MNT: variants seen among roughly 807,000 people sequenced by gnomAD.
The protein encoded by MNT is MAX network transcriptional repressor.
Under a neutral mutation model 40.7 loss-of-function variants are expected in MNT, and 13 were observed. That is an observed-to-expected ratio of 0.32 (90% CI 0.21 to 0.51). The LOEUF (loss-of-function observed/expected upper bound fraction) is 0.51, where lower values mean the gene tolerates loss of function less well. Among genes scored for constraint, MNT ranks in the 20% least tolerant of loss-of-function variants. The pLI, the probability that MNT is intolerant of heterozygous loss-of-function variation, is 0.98. For missense variants in MNT, 757 were observed against 792.0 expected (o/e 0.96, Z 0.53); for synonymous variants, 426 against 354.8 (o/e 1.20, Z -2.26).
At position 2,387,488 on chromosome 17, in the gene MNT, AGTGGGG is replaced by A. The variant is rs1567864452; in HGVS notation, c.1156_1161del (p.Pro386_His387del). 6.2e-7 allele frequency: 1 copy of A among 1,610,782 alleles called. No individual in the cohort carries two copies. Among genetic ancestry groups the A allele is most frequent in the East Asian group, 2.2e-5 (1 of 44,714 alleles). ...AGGTGGGCAGGAGGTAGGGCCACGG[AGTGGGG>A]GTGAGGGTGTGGGTGTGGAGGCAGA... On this transcript the variant is annotated inframe_deletion, in exon 6 of 6. Transcript: ENST00000174618.
chr17:2,400,130 G>A (rs1420935585), intron 1 of MNT, among the ~76,000 whole-genome samples: 2 of 152,220 alleles, frequency 1.3e-5, no homozygotes, highest in African/African-American at 4.8e-5. Context: ...CCGAAGAGCT[G>A]CTCCGCGTAG....
intron 3 of MNT, 37 bp downstream of exon 3, chr17:2,394,268 C>T: frequency 1.9e-6 from 3 of 1,575,948 alleles, no homozygotes; most frequent in Admixed American, 1.8e-5. Flanking sequence ...CGCGCGCGCA[C>T]GCACGCACGC....
chr17:2,400,741 G>A lies in MNT; in HGVS notation c.-29C>T, dbSNP rs756094953. ...GCCGAGAGCTGCCGGGGGCGCGCCG[G>A]GGCCGAGGCTGCGGCCCGCGAGCCG... is the stretch of plus-strand genomic sequence containing the variant. On this transcript the variant is annotated 5_prime_UTR_variant, in exon 1 of 6. Transcript: ENST00000174618. 1.7e-5 allele frequency: 25 copies of A among 1,513,884 alleles called. No homozygotes were observed. Among genetic ancestry groups the A allele is most frequent in the Non-Finnish European group, 2.2e-5 (25 of 1,137,452 alleles). 93.8% of individuals were successfully genotyped at this position (1,513,884 alleles called of 1,614,324 possible).
rs1377693509 is a variant in MNT at position 2,400,883 on chromosome 17, AAT to A, written c.-173_-172del. ...ACGGGGGAGCACGGGGAGAAAAATC[AAT>A]GTCTCTCAAAATATTTGCAAAATAT... On this transcript the variant is annotated 5_prime_UTR_variant, in exon 1 of 6. Transcript: ENST00000174618. 1 of 443,372 alleles carries A rather than the reference AAT, an allele frequency of 2.3e-6. No individual in the cohort carries two copies. The highest frequency in any genetic ancestry group is 4.0e-6 in the Non-Finnish European group (1 of 252,732). 27.5% of individuals were successfully genotyped at this position (443,372 alleles called of 1,614,324 possible). A position where few individuals can be genotyped will look rare whatever the true frequency, so the allele number is the denominator to read the frequency against.
chr17:2,393,256 G>A (rs765453153), intron 4 of MNT, among the ~76,000 whole-genome samples: 95 of 151,380 alleles, frequency 6.3e-4, no homozygotes, highest in Non-Finnish European at 9.5e-4. Context: ...AAGCCCCGCC[G>A]GTTTCCAGGG....
Position 2,387,486 on chromosome 17 carries a change from G to T in MNT, c.1164C>A (p.Ser388=), listed in dbSNP as rs775805595. The change falls in exon 6 of 6, where the codon TCC becomes TCA. Residue 388 remains serine (S), a synonymous_variant. Transcript: ENST00000174618. ...GGAGGTGGGCAGGAGGTAGGGCCACGGAGTGGGGGTGAGGGTGTGGGTGTG... is the reference window on the plus strand; with the variant it reads ...GGAGGTGGGCAGGAGGTAGGGCCACTGAGTGGGGGTGAGGGTGTGGGTGTG... ...LPPHPHPHPH[S]VALPPAHLPV... 3.1e-6 allele frequency: 5 copies of T among 1,612,298 alleles called. No homozygotes were observed. The highest frequency in any genetic ancestry group is 4.2e-6 in the Non-Finnish European group (5 of 1,179,368).
chr17:2,398,889 A>G (rs1193138062), intron 1 of MNT, among the ~76,000 whole-genome samples: 1 of 152,062 alleles, frequency 6.6e-6, no homozygotes, highest in Non-Finnish European at 1.5e-5. Context: ...CACTTCTGCA[A>G]AACCCAGGCA....
At chr17:2,393,182 C>G (rs2066538762) in intron 4 of MNT, among the ~76,000 whole-genome samples, 1 of 151,350 alleles carries the variant, frequency 6.6e-6, no homozygotes. Context: ...TCCCTCCATC[C>G]CCTACGGCTC....
chr17:2,394,403 T>C, intron 2 of MNT, 57 bp from the exon 3 acceptor site: 2 of 1,610,172 alleles, frequency 1.2e-6, no homozygotes, highest in East Asian at 2.2e-5. Flanking sequence ...ACGGCCTTCC[T>C]GACCAGCGCC....
chr17:2,396,070 C>T (rs576846532), intron 1 of MNT, among the ~76,000 whole-genome samples: 4 of 152,334 alleles, frequency 2.6e-5, no homozygotes, highest in Middle Eastern at 3.4e-3. Flanking sequence ...CCCTGGAGGA[C>T]GCTTGCCGTG....
Position 2,386,743 on chromosome 17 carries a change from T to C in MNT, c.*158A>G. ...TGCAGCAGGGTGGCCCTTCCCTCCC[T>C]TGGCTCAGAGTCTTTGCACCCCCTT... On this transcript the variant is annotated 3_prime_UTR_variant, in exon 6 of 6. Transcript: ENST00000174618. The C allele has an allele frequency of 1.4e-6, 1 of 698,800 alleles. No homozygotes were observed. The highest frequency in any genetic ancestry group is 2.2e-6 in the Non-Finnish European group (1 of 454,574). 43.3% of individuals were successfully genotyped at this position (698,800 alleles called of 1,614,324 possible). A position where few individuals can be genotyped will look rare whatever the true frequency, so the allele number is the denominator to read the frequency against.
intron 4 of MNT, chr17:2,389,653 T>C (rs1375884351): frequency 6.6e-6 from 1 of 152,394 alleles, no homozygotes; most frequent in African/African-American, 2.4e-5. Context: ...TTTTCTTGCC[T>C]CTGTCCCCTT....
Position 2,400,722 on chromosome 17 carries a change from A to G in MNT, c.-10T>C, listed in dbSNP as rs765983334. On this transcript the variant is annotated 5_prime_UTR_variant, in exon 1 of 6. Coordinates refer to ENST00000174618, the MANE Select transcript of MNT (RefSeq NM_020310.3). ...GCGTCTCTATGCTCATCGCGCCGAGAGCTGCCGGGGGCGCGCCGGGGCCGA... is the reference window on the plus strand; with the variant it reads ...GCGTCTCTATGCTCATCGCGCCGAGGGCTGCCGGGGGCGCGCCGGGGCCGA... The G allele has an allele frequency of 1.3e-6, 2 of 1,549,918 alleles. No homozygotes were observed. The highest frequency in any genetic ancestry group is 1.7e-6 in the Non-Finnish European group (2 of 1,154,828).
chr17:2,394,203 G>A (rs771248012), intron 3 of MNT, 49 bp from the exon 4 acceptor site: 1 of 1,587,588 alleles, frequency 6.3e-7, no homozygotes, highest in Non-Finnish European at 8.6e-7. Flanking sequence ...GCGGGGCTGG[G>A]ACGGGGGGAG....
chr17:2,387,265 G>A lies in MNT; in HGVS notation c.1385C>T (p.Pro462Leu). 1 of 1,613,250 alleles carries A rather than the reference G, an allele frequency of 6.2e-7. No homozygotes were observed. The highest frequency in any genetic ancestry group is 8.5e-7 in the Non-Finnish European group (1 of 1,179,694). ...IQTVNHVLQG[P>L]GGKHIAHIAP... ...GATGTGGGCGATGTGCTTGCCGCCT[G>A]GCCCCTGCAGAACGTGGTTCACAGT... is the stretch of plus-strand genomic sequence containing the variant. Residue 462 changes from proline (P) to leucine (L), a missense_variant, in exon 6 of 6, where the codon CCA (proline) becomes CTA (leucine). Pro to Leu is a moderately conservative substitution (Grantham distance 98, BLOSUM62 -3). Coordinates refer to ENST00000174618, the MANE Select transcript of MNT (RefSeq NM_020310.3).
chr17:2,398,755 C>A (rs897527524), intron 1 of MNT, among the ~76,000 whole-genome samples: 4 of 152,220 alleles, frequency 2.6e-5, no homozygotes, highest in Non-Finnish European at 4.4e-5. Context: ...TGTGCACGGT[C>A]TTCCCCTGAC....
chr17:2,394,175 C>G (rs758035723), intron 3 of MNT, 21 bp from the exon 4 acceptor site: 7 of 1,536,718 alleles, frequency 4.6e-6, no homozygotes, highest in African/African-American at 2.8e-5. Flanking sequence ...GGGCGAGCGC[C>G]GGTCAGCGGT....
Position 2,385,659 on chromosome 17 carries a change from A to G in MNT, c.*1242T>C, listed in dbSNP as rs2066452000. On this transcript the variant is annotated 3_prime_UTR_variant, in exon 6 of 6. Coordinates refer to ENST00000174618, the MANE Select transcript of MNT (RefSeq NM_020310.3). ...GCAGCTCCCCGGGCAGGGCCCACTCAAAAGCGTCCCCGGGAGAAGCAGGGT... is the reference window on the plus strand; with the variant it reads ...GCAGCTCCCCGGGCAGGGCCCACTCGAAAGCGTCCCCGGGAGAAGCAGGGT... The G allele has an allele frequency of 6.6e-6, 1 of 152,394 alleles. No homozygotes were observed. The highest frequency in any genetic ancestry group is 1.5e-5 in the Non-Finnish European group (1 of 68,136). The allele number at this position is 152,394 out of a possible 1,614,324, so 9.4% of individuals were successfully genotyped here.
chr17:2,393,186 ACGGCTCCG>A (rs1396020194), intron 4 of MNT, among the ~76,000 whole-genome samples: 2 of 80,670 alleles, frequency 2.5e-5, no homozygotes, highest in South Asian at 4.0e-4. Flanking sequence ...TCCATCCCCT[ACGGCTCCG>A]CGTCTCCGCG....
Sources: gnomAD v4.1 joint callset for allele counts (sites outside exome capture counted in the v4.1 genomes callset) on GRCh38, gnomAD v4.1.1 for gene constraint, MANE v1.5 for transcripts, NCBI Gene and HGNC (gene_info 2026-07-23, HGNC 2026-07-21) for gene names.